The following SLC24A2 variants were observed in gnomAD, a reference collection of about 807,000 sequenced individuals.
SLC24A2 encodes the protein solute carrier family 24 member 2, also known as sodium/potassium/calcium exchanger 2.
A neutral mutation model predicts 62.0 loss-of-function variants in SLC24A2; 36 were observed. The observed-to-expected ratio is 0.58, with a 90% CI of 0.44 to 0.77. SLC24A2 has a LOEUF of 0.77. SLC24A2 is among the 30% of genes least tolerant of loss of function. The pLI, the probability that SLC24A2 is intolerant of heterozygous loss-of-function variation, is 0.00. For synonymous variants in SLC24A2, 358 were observed against 294.0 expected (o/e 1.22, Z -2.23); for missense variants, 846 against 817.9 (o/e 1.03, Z -0.42).
chr9:19,523,277 G>A (rs1833282457), intron 9 of SLC24A2, among the ~76,000 whole-genome samples: 1 of 152,118 alleles, frequency 6.6e-6, no homozygotes, highest in African/African-American at 2.4e-5. Flanking sequence ...GACAGTGCTG[G>A]GTACAAATCC....
chr9:19,684,542 G>T (rs1178024333), intron 2 of SLC24A2, among the ~76,000 whole-genome samples: 1 of 152,056 alleles, frequency 6.6e-6, no homozygotes, highest in Non-Finnish European at 1.5e-5. Flanking sequence ...AATAACTAAG[G>T]AAGGGGAAAC....
At chr9:20,077,652 C>T in the SLC24A2 span, among the ~76,000 whole-genome samples, 2 of 152,100 alleles carry the variant, frequency 1.3e-5, no homozygotes, top group East Asian at 3.9e-4. Context: ...CTAAACTTGA[C>T]CAGAATTAAT....
chr9:19,549,806 C>A (rs750637524), intron 8 of SLC24A2, among the ~76,000 whole-genome samples: 1 of 152,156 alleles, frequency 6.6e-6, no homozygotes, highest in Non-Finnish European at 1.5e-5. Flanking sequence ...AATTCTTGAT[C>A]GACAGGATCC....
At chr9:19,889,971 T>C in the SLC24A2 span, among the ~76,000 whole-genome samples, 1 of 152,212 alleles carries the variant, frequency 6.6e-6, no homozygotes, top group African/African-American at 2.4e-5. Context: ...TCAAATTGCA[T>C]TTCTAATATT....
chr9:19,951,394 G>A, the SLC24A2 span, among the ~76,000 whole-genome samples: 2 of 151,916 alleles, frequency 1.3e-5, no homozygotes, highest in Non-Finnish European at 2.9e-5. Context: ...TTATGGCTTA[G>A]TGTTCGTACG....
chr9:19,987,027 T>G, the SLC24A2 span, among the ~76,000 whole-genome samples: 119,125 of 151,628 alleles, frequency 0.79, 47,035 homozygotes, highest in Non-Finnish European at 0.82. Context: ...GACAAAGGAG[T>G]CAAAGAAGCA....
At chr9:20,210,953 A>C in the SLC24A2 span, among the ~76,000 whole-genome samples, 1 of 152,068 alleles carries the variant, frequency 6.6e-6, no homozygotes, top group Non-Finnish European at 1.5e-5. Flanking sequence ...TGAACAGTCA[A>C]TATAAACCTT....
At chr9:20,212,043 A>G in the SLC24A2 span, among the ~76,000 whole-genome samples, 82,770 of 150,634 alleles carry the variant, frequency 0.55, 24,666 homozygotes, top group East Asian at 0.86. Flanking sequence ...ATCAAATATC[A>G]ATAAATGGGT....
intron 2 of SLC24A2, among the ~76,000 whole-genome samples, chr9:19,708,700 C>T (rs1287707895): frequency 1.3e-5 from 2 of 152,140 alleles, no homozygotes; most frequent in Non-Finnish European, 2.9e-5. Flanking sequence ...ACTGGCTAGC[C>T]ATATGGAGAA....
chr9:20,044,416 C>T, the SLC24A2 span, among the ~76,000 whole-genome samples: 2 of 152,204 alleles, frequency 1.3e-5, no homozygotes, highest in African/African-American at 4.8e-5. Flanking sequence ...GCACAGGATC[C>T]CCGAACCACC....
chr9:20,124,960 G>C, the SLC24A2 span, among the ~76,000 whole-genome samples: 2 of 152,180 alleles, frequency 1.3e-5, no homozygotes, highest in African/African-American at 4.8e-5. Flanking sequence ...ATGGTAGAAA[G>C]AGCATGGACA....
chr9:20,029,423 C>T, the SLC24A2 span, among the ~76,000 whole-genome samples: 2 of 152,178 alleles, frequency 1.3e-5, no homozygotes, highest in Non-Finnish European at 2.9e-5. Flanking sequence ...TCACAACAAC[C>T]ATGTGAGGTA....
chr9:19,740,872 A>AT (rs1156816485), intron 2 of SLC24A2, among the ~76,000 whole-genome samples: 1 of 48,566 alleles, frequency 2.1e-5, no homozygotes, highest in African/African-American at 1.1e-4. Flanking sequence ...AAAAAGGACC[A>AT]AAAAAAAAAA....
At chr9:19,911,041 G>T in the SLC24A2 span, among the ~76,000 whole-genome samples, 1 of 150,718 alleles carries the variant, frequency 6.6e-6, no homozygotes, top group African/African-American at 2.4e-5. Flanking sequence ...AGCATTAGGT[G>T]TATCTCTTAA....
At chr9:19,984,079 C>T in the SLC24A2 span, among the ~76,000 whole-genome samples, 1 of 152,138 alleles carries the variant, frequency 6.6e-6, no homozygotes, top group East Asian at 1.9e-4. Context: ...TTCTGACTTA[C>T]AACATTTTCA....
Position 19,599,737 on chromosome 9 carries a change from G to C in SLC24A2, c.1079-2458C>G, listed in dbSNP as rs545019692. Among the ~76,000 whole-genome samples the C allele has an allele frequency of 5.9e-5, 9 of 152,254 alleles. No individual in the cohort carries two copies. In the East Asian group the frequency reaches 7.7e-4, roughly 13 times the overall value. On this transcript the variant is annotated intron_variant, in intron 4 of 10. Coordinates refer to ENST00000341998, the MANE Select transcript of SLC24A2 (RefSeq NM_020344.4). The surrounding 1 kb of genome is among the most constrained non-coding windows in gnomAD (Gnocchi z 4.5). ...ACAAAAAGCATGCATGCATAAACCAGAGCTCATCATGCACTTGGCTGGGGT... is the reference window on the plus strand; with the variant it reads ...ACAAAAAGCATGCATGCATAAACCACAGCTCATCATGCACTTGGCTGGGGT...
the SLC24A2 span, among the ~76,000 whole-genome samples, chr9:19,919,585 A>T: frequency 2.6e-5 from 4 of 152,166 alleles, no homozygotes; most frequent in African/African-American, 7.2e-5. Flanking sequence ...TTTCCAAAAA[A>T]GTCTGTATTA....
chr9:20,028,486 A>G, the SLC24A2 span, among the ~76,000 whole-genome samples: 1 of 152,210 alleles, frequency 6.6e-6, no homozygotes, highest in Non-Finnish European at 1.5e-5. Flanking sequence ...GGGGGCAGGA[A>G]AGTGCCCAAA....
At chr9:20,275,544 C>A in the SLC24A2 span, among the ~76,000 whole-genome samples, 1 of 152,180 alleles carries the variant, frequency 6.6e-6, no homozygotes, top group African/African-American at 2.4e-5. Context: ...TTCTTAGACA[C>A]CCACTCACCT....
Sources: gnomAD v4.1 joint callset for allele counts (sites outside exome capture counted in the v4.1 genomes callset) on GRCh38, gnomAD v4.1.1 for gene constraint, Gnocchi (gnomAD v3.1) non-coding constraint, MANE v1.5 for transcripts, NCBI Gene and HGNC (gene_info 2026-07-23, HGNC 2026-07-21) for gene names.